The following LRRC4C variants were observed in gnomAD, a reference collection of about 807,000 sequenced individuals.
LRRC4C encodes leucine rich repeat containing 4C.
A neutral mutation model predicts 33.6 loss-of-function variants in LRRC4C; 5 were observed. That is an observed-to-expected ratio of 0.15 (90% CI 0.08 to 0.31). LRRC4C has a LOEUF of 0.31. LRRC4C is among the 10% of genes least tolerant of loss of function. LRRC4C has a pLI of 1.00. For synonymous variants in LRRC4C, 329 were observed against 302.0 expected (o/e 1.09, Z -0.93); for missense variants, 560 against 796.7 (o/e 0.70, Z 3.58).
At chr11:41,163,284 G>GTTT (rs71466923) in intron 1 of LRRC4C, among the ~76,000 whole-genome samples, 4,384 of 73,298 alleles carry the variant, frequency 0.06, 1,051 homozygotes, top group East Asian at 0.1. Context: ...TACTGTAACT[G>GTTT]TTTTTTTTTT....
At chr11:41,404,507 GAC>G (rs147851356) in intron 1 of LRRC4C, among the ~76,000 whole-genome samples, 40 of 142,398 alleles carry the variant, frequency 2.8e-4, no homozygotes, top group South Asian at 1.1e-3. Context: ...TATACACACA[GAC>G]ACACACACAG....
At chr11:40,762,132 G>T (rs1014531322) in intron 2 of LRRC4C, among the ~76,000 whole-genome samples, 2 of 152,124 alleles carry the variant, frequency 1.3e-5, no homozygotes, top group Admixed American at 1.3e-4. Flanking sequence ...AGGGCAGCAG[G>T]AGCAAGCCAT....
intron 5 of LRRC4C, among the ~76,000 whole-genome samples, chr11:40,152,403 T>C (rs1486087061): frequency 6.6e-6 from 1 of 152,152 alleles, no homozygotes; most frequent in East Asian, 1.9e-4. Context: ...ATTCCCTAGA[T>C]GAACTTTGTT....
At chr11:40,591,199 C>T (rs965743664) in intron 3 of LRRC4C, among the ~76,000 whole-genome samples, 16 of 152,124 alleles carry the variant, frequency 1.1e-4, no homozygotes, top group Non-Finnish European at 1.8e-4. Flanking sequence ...TTTTTAAGCC[C>T]GTCGGAAAAG....
chr11:40,985,623 C>G lies in LRRC4C; in HGVS notation c.-495-51900G>C, dbSNP rs1852939008. On this transcript the variant is annotated intron_variant, in intron 1 of 6. Transcript: ENST00000528697. ...TCTCCTGCCTCAGCCTCCCGAGTAG[C>G]TGGGACTACAGGCGCCCGCCACCGC... 2.9e-4 allele frequency among the ~76,000 whole-genome samples: 2 copies of G among 6,920 alleles called. 1 individual carries two copies. The highest frequency in any genetic ancestry group is 3.0e-4 in the African/African-American group (2 of 6,568). The allele number at this position is 6,920 out of a possible 152,430, so 4.5% of individuals were successfully genotyped here.
chr11:40,829,682 A>G (rs944013244), intron 2 of LRRC4C, among the ~76,000 whole-genome samples: 3 of 152,144 alleles, frequency 2.0e-5, no homozygotes, highest in Admixed American at 6.6e-5. Flanking sequence ...AAAAAATTCT[A>G]TTCTGCTACT....
intron 2 of LRRC4C, among the ~76,000 whole-genome samples, chr11:40,741,004 A>G (rs1390749707): frequency 1.3e-5 from 2 of 152,020 alleles, no homozygotes; most frequent in African/African-American, 4.8e-5. Context: ...TGCCAGTACC[A>G]TATTTTTTAT....
intron 3 of LRRC4C, among the ~76,000 whole-genome samples, chr11:40,530,519 T>G (rs1177370322): frequency 6.6e-6 from 1 of 152,130 alleles, no homozygotes; most frequent in South Asian, 2.1e-4. Context: ...AGATCCTGTG[T>G]GCAAAGCACT....
intron 2 of LRRC4C, among the ~76,000 whole-genome samples, chr11:40,735,903 T>A (rs531087640): frequency 8.6e-5 from 13 of 151,838 alleles, no homozygotes; most frequent in Admixed American, 7.9e-4. Flanking sequence ...ATTTCTCTGA[T>A]GGCCAGTGAT....
intron 1 of LRRC4C, among the ~76,000 whole-genome samples, chr11:41,206,029 C>T (rs970465520): frequency 5.9e-5 from 9 of 151,994 alleles, no homozygotes; most frequent in African/African-American, 2.2e-4. Flanking sequence ...CACCGTTAAC[C>T]CCCTTCAACT....
At chr11:40,541,008 T>TC (rs1956686900) in intron 3 of LRRC4C, among the ~76,000 whole-genome samples, 1 of 152,112 alleles carries the variant, frequency 6.6e-6, no homozygotes, top group African/African-American at 2.4e-5. Flanking sequence ...TATAGGGAAA[T>TC]CAAACACTTT....
chr11:40,638,844 T>C (rs79469342), intron 3 of LRRC4C, among the ~76,000 whole-genome samples: 4,115 of 151,192 alleles, frequency 0.027, 79 homozygotes, highest in South Asian at 0.037. Context: ...TCATGAGGAA[T>C]TGGAAGGATT....
intron 2 of LRRC4C, among the ~76,000 whole-genome samples, chr11:40,917,641 T>C (rs1474556444): frequency 2.0e-5 from 3 of 152,264 alleles, no homozygotes; most frequent in African/African-American, 7.2e-5. Flanking sequence ...TTAGTCACTA[T>C]GTGATTGTAA....
At chr11:41,146,030 C>A (rs1943714705) in intron 1 of LRRC4C, among the ~76,000 whole-genome samples, 1 of 151,982 alleles carries the variant, frequency 6.6e-6, no homozygotes, top group Admixed American at 6.6e-5. Context: ...TCAGGAAAAC[C>A]AACATTACAG....
intron 3 of LRRC4C, among the ~76,000 whole-genome samples, chr11:40,600,742 T>A (rs540846272): frequency 6.6e-6 from 1 of 152,308 alleles, no homozygotes; most frequent in East Asian, 1.9e-4. Context: ...ATTTTGGCAG[T>A]CTAGATCTCC....
chr11:40,457,052 T>TA (rs1419680187), intron 3 of LRRC4C, among the ~76,000 whole-genome samples: 1 of 148,998 alleles, frequency 6.7e-6, no homozygotes, highest in Non-Finnish European at 1.5e-5. Flanking sequence ...GAGGAGATTT[T>TA]AAAAGGTCAA....
intron 5 of LRRC4C, among the ~76,000 whole-genome samples, chr11:40,225,605 T>TTC (rs1005029405): frequency 3.4e-5 from 5 of 147,582 alleles, no homozygotes; most frequent in Admixed American, 7.0e-5. Context: ...TATTTCCCAA[T>TTC]TCTCTCTCTC....
chr11:40,206,951 CACAAACAAACAA>C (rs369614534), intron 5 of LRRC4C, among the ~76,000 whole-genome samples: 1 of 151,844 alleles, frequency 6.6e-6, no homozygotes, highest in Non-Finnish European at 1.5e-5. Context: ...TATGCACACT[CACAAACAAACAA>C]ACAAACAAAC....
At chr11:40,597,656 A>G (rs937981296) in intron 3 of LRRC4C, among the ~76,000 whole-genome samples, 26 of 152,198 alleles carry the variant, frequency 1.7e-4, no homozygotes, top group Non-Finnish European at 2.5e-4. Flanking sequence ...CTTATTTATT[A>G]AAAGAATACG....
Sources: allele counts gnomAD v4.1 joint callset (sites outside exome capture counted in the v4.1 genomes callset), GRCh38; gene constraint gnomAD v4.1.1; transcripts MANE v1.5; gene names NCBI Gene and HGNC (gene_info 2026-07-23, HGNC 2026-07-21).